NFIA: variants seen among roughly 807,000 people sequenced by gnomAD.
NFIA encodes nuclear factor 1 A-type.
NFIA carries 8 observed loss-of-function variants against 62.8 expected under a neutral mutation model. The observed-to-expected ratio is 0.13, with a 90% CI of 0.07 to 0.23. The LOEUF is 0.23. Among genes scored for constraint, NFIA ranks in the 10% least tolerant of loss-of-function variants. NFIA has a pLI of 1.00. For missense variants in NFIA, 410 were observed against 642.1 expected, an observed-to-expected ratio of 0.64 and a Z score of 3.91; for synonymous variants, 235 against 238.1, an observed-to-expected ratio of 0.99 and a Z score of 0.12.
intron 10 of NFIA, among the ~76,000 whole-genome samples, chr1:61,448,449 G>C (rs6684073): frequency 6.6e-6 from 1 of 152,016 alleles, no homozygotes; most frequent in African/African-American, 2.4e-5. Context: ...TGGGTCTCAC[G>C]TGGACCCTAA....
At chr1:61,195,677 G>T (rs11207711) in intron 2 of NFIA, among the ~76,000 whole-genome samples, 49,181 of 151,728 alleles carry the variant, frequency 0.32, 9,124 homozygotes, top group East Asian at 0.57. Flanking sequence ...TATTCAAAGG[G>T]GATACTTATT....
intron 10 of NFIA, among the ~76,000 whole-genome samples, chr1:61,441,734 T>G (rs565432712): frequency 6.6e-5 from 10 of 152,188 alleles, no homozygotes; most frequent in Non-Finnish European, 1.3e-4. Flanking sequence ...TAGTATCCAG[T>G]TGTTCTCTCT....
chr1:61,265,263 T>C (rs2100249452), intron 2 of NFIA, among the ~76,000 whole-genome samples: 1 of 152,338 alleles, frequency 6.6e-6, no homozygotes, highest in South Asian at 2.1e-4. Context: ...ATTAGCACCA[T>C]GTGAAGAAAT....
chr1:61,260,879 C>T (rs549039680), intron 2 of NFIA, among the ~76,000 whole-genome samples: 4 of 152,314 alleles, frequency 2.6e-5, no homozygotes, highest in African/African-American at 9.6e-5. Context: ...TGCGCCCGGC[C>T]AAGAAATTTT....
intron 2 of NFIA, among the ~76,000 whole-genome samples, chr1:61,180,668 T>C (rs1394315241): frequency 6.6e-6 from 1 of 152,184 alleles, no homozygotes; most frequent in Non-Finnish European, 1.5e-5. Context: ...AGGCCCATCC[T>C]TTATAAACAC....
Position 61,359,290 on chromosome 1 carries a change from G to T in NFIA, c.946+16G>T, listed in dbSNP as rs1407887632. 5.0e-6 allele frequency: 8 copies of T among 1,612,076 alleles called. No individual in the cohort carries two copies. The highest frequency in any genetic ancestry group is 2.2e-5 in the East Asian group (1 of 44,866). The stretch of plus-strand genomic sequence containing the variant: ...GTGGAGCCAGGTAAGCAGAGTGGCG[G>T]CACGGGCATGTGGCTAACACTGTGA... On this transcript the variant is annotated intron_variant, in intron 6 of 10. Coordinates refer to ENST00000403491, the MANE Select transcript of NFIA (RefSeq NM_001134673.4).
At chr1:61,375,533 C>G (rs1664106388) in intron 6 of NFIA, among the ~76,000 whole-genome samples, 1 of 152,196 alleles carries the variant, frequency 6.6e-6, no homozygotes, top group African/African-American at 2.4e-5. Flanking sequence ...ATAAGTAGTA[C>G]TCCCCCGCGC....
chr1:61,331,880 T>C (rs149260948), intron 3 of NFIA, among the ~76,000 whole-genome samples: 2 of 152,318 alleles, frequency 1.3e-5, no homozygotes, highest in East Asian at 1.9e-4. Context: ...TTTTGAACCA[T>C]TGATTTATTA....
intron 6 of NFIA, among the ~76,000 whole-genome samples, chr1:61,370,669 A>G (rs1399949515): frequency 6.6e-6 from 1 of 152,124 alleles, no homozygotes; most frequent in Non-Finnish European, 1.5e-5. Flanking sequence ...GTCTTTGTCA[A>G]GTGAGGAATT....
At chr1:61,321,282 CT>C (rs61325454) in intron 3 of NFIA, among the ~76,000 whole-genome samples, 5 of 152,060 alleles carry the variant, frequency 3.3e-5, no homozygotes, top group African/African-American at 9.6e-5. Flanking sequence ...TTTCTCTGTT[CT>C]TGTACAAGTC....
chr1:61,358,564 T>C (rs1006341147), intron 5 of NFIA, among the ~76,000 whole-genome samples: 4 of 151,912 alleles, frequency 2.6e-5, no homozygotes, highest in African/African-American at 7.3e-5. Context: ...TTTTGCACTT[T>C]TAGTAGAGAT....
intron 2 of NFIA, among the ~76,000 whole-genome samples, chr1:61,157,161 CACT>C (rs2100530261): frequency 6.6e-6 from 1 of 152,306 alleles, no homozygotes; most frequent in Non-Finnish European, 1.5e-5. Context: ...AATAAACAAA[CACT>C]GTTTTTGGCT....
chr1:61,233,390 C>A (rs1038387490), intron 2 of NFIA, among the ~76,000 whole-genome samples: 1 of 152,176 alleles, frequency 6.6e-6, no homozygotes, highest in Non-Finnish European at 1.5e-5. Context: ...AAACTCAGTT[C>A]ATAGGTGACG....
intron 2 of NFIA, among the ~76,000 whole-genome samples, chr1:61,158,747 G>T (rs1277036134): frequency 6.6e-6 from 1 of 152,148 alleles, no homozygotes; most frequent in Non-Finnish European, 1.5e-5. Context: ...TGTCATTAGA[G>T]AAATTGGTCT....
chr1:61,138,155 G>A (rs1160999783), intron 2 of NFIA, among the ~76,000 whole-genome samples: 1 of 151,902 alleles, frequency 6.6e-6, no homozygotes, highest in Non-Finnish European at 1.5e-5. Flanking sequence ...GAGTACATTG[G>A]TGAGATAATG....
At chr1:61,338,835 C>G (rs1557716760) in intron 4 of NFIA, among the ~76,000 whole-genome samples, 3 of 152,204 alleles carry the variant, frequency 2.0e-5, no homozygotes, top group Non-Finnish European at 2.9e-5. Flanking sequence ...TTAAAACTTT[C>G]TTTCTAAACT....
chr1:61,103,344 T>C (rs985713428), intron 2 of NFIA, among the ~76,000 whole-genome samples: 1 of 152,200 alleles, frequency 6.6e-6, no homozygotes, highest in Non-Finnish European at 1.5e-5. Flanking sequence ...ATTTATACTT[T>C]AAGGCTCAGC....
At chr1:61,284,160 A>G (rs1658335597) in intron 3 of NFIA, among the ~76,000 whole-genome samples, 1 of 152,218 alleles carries the variant, frequency 6.6e-6, no homozygotes, top group Admixed American at 6.5e-5. Context: ...GTTATGATCA[A>G]TATTCTAAAA....
chr1:61,390,586 A>G (rs1283350522), intron 7 of NFIA, among the ~76,000 whole-genome samples: 2 of 152,190 alleles, frequency 1.3e-5, no homozygotes, highest in Non-Finnish European at 2.9e-5. Context: ...GAAGTTAACA[A>G]TATCTCCCAG....
Sources: allele counts gnomAD v4.1 joint callset (sites outside exome capture counted in the v4.1 genomes callset), GRCh38; gene constraint gnomAD v4.1.1; transcripts MANE v1.5; gene names NCBI Gene and HGNC (gene_info 2026-07-23, HGNC 2026-07-21).